The following NAA30 variants were observed in gnomAD, a reference collection of about 807,000 sequenced individuals.
The protein encoded by NAA30 is N-alpha-acetyltransferase 30, NatC catalytic subunit, also known as N-alpha-acetyltransferase 30.
NAA30 carries 5 observed loss-of-function variants against 31.4 expected under a neutral mutation model. The ratio of observed to expected loss-of-function variants is 0.16; its 90% CI spans 0.08 to 0.33. The LOEUF is 0.33. NAA30 is among the 10% of genes least tolerant of loss of function. The pLI is 1.00. For missense variants in NAA30, 428 were observed against 490.8 expected (o/e 0.87, Z 1.21); for synonymous variants, 222 against 207.1 (o/e 1.07, Z -0.62).
intron 4 of NAA30, among the ~76,000 whole-genome samples, chr14:57,405,884 A>G (rs2066496422): frequency 6.6e-6 from 1 of 152,282 alleles, no homozygotes; most frequent in South Asian, 2.1e-4. Context: ...TTATCCTGAT[A>G]ATGATCTGTT....
intron 4 of NAA30, among the ~76,000 whole-genome samples, chr14:57,403,074 G>A (rs778109911): frequency 5.9e-5 from 9 of 152,084 alleles, no homozygotes; most frequent in African/African-American, 1.2e-4. Context: ...CCAGCTACTC[G>A]GGAGGCTGAG....
chr14:57,406,743 A>G (rs2066499650), intron 4 of NAA30, among the ~76,000 whole-genome samples: 1 of 152,160 alleles, frequency 6.6e-6, no homozygotes, highest in South Asian at 2.1e-4. Context: ...TTTAGCTATA[A>G]TTAGGTGCTG....
Position 57,391,849 on chromosome 14 carries a change from G to T in NAA30, c.771+121G>T. 1 of 761,772 alleles carries T rather than the reference G, an allele frequency of 1.3e-6. No homozygotes were observed. Among genetic ancestry groups the T allele is most frequent in the Non-Finnish European group, 2.2e-6 (1 of 460,372 alleles). 47.2% of individuals were successfully genotyped at this position (761,772 alleles called of 1,614,324 possible). The stretch of plus-strand genomic sequence containing the variant: ...TGCTGCGTATCATAGTACGTTATAT[G>T]ATGTCAAGTGCTGTACACATTCCTA... On this transcript the variant is annotated intron_variant, in intron 2 of 4. Coordinates refer to ENST00000556492, the MANE Select transcript of NAA30 (RefSeq NM_001011713.3). The surrounding 1 kb of genome is among the most constrained non-coding windows in gnomAD (Gnocchi z 4.1).
At chr14:57,401,720 A>C (rs980646707) in intron 4 of NAA30, among the ~76,000 whole-genome samples, 1 of 152,166 alleles carries the variant, frequency 6.6e-6, no homozygotes, top group African/African-American at 2.4e-5. Context: ...TTGCTATCCT[A>C]AGTTACTACT....
chr14:57,391,245 G>T lies in NAA30; in HGVS notation c.288G>T (p.Arg96=). 1.2e-6 allele frequency: 2 copies of T among 1,612,174 alleles called. No homozygotes were observed. Among genetic ancestry groups the T allele is most frequent in the Non-Finnish European group, 1.7e-6 (2 of 1,179,780 alleles). ...GLISPELRHL[R]AAASLKSKVL... ...TTAGCCCCGAACTGCGGCACCTCCG[G>T]GCGGCCGCCTCCCTCAAGAGCAAGG... The change falls in exon 2 of 5, where the codon CGG becomes CGT. Residue 96 remains arginine (R), a synonymous_variant. Coordinates refer to ENST00000556492, the MANE Select transcript of NAA30 (RefSeq NM_001011713.3). This position sits in a 1 kb window ranked among gnomAD's most constrained non-coding sequence, Gnocchi z 4.1.
chr14:57,405,447 T>C (rs896878614), intron 4 of NAA30, among the ~76,000 whole-genome samples: 9 of 151,738 alleles, frequency 5.9e-5, no homozygotes, highest in East Asian at 3.9e-4. Context: ...AAAACATCTT[T>C]AGTTTCACTG....
intron 4 of NAA30, among the ~76,000 whole-genome samples, chr14:57,402,299 C>G (rs1424352234): frequency 6.6e-6 from 1 of 152,182 alleles, no homozygotes; most frequent in Admixed American, 6.5e-5. Context: ...GTAATTATTG[C>G]ACTTAATTTC....
chr14:57,394,896 G>T (rs1035821104), intron 2 of NAA30, among the ~76,000 whole-genome samples: 1 of 152,066 alleles, frequency 6.6e-6, no homozygotes, highest in East Asian at 1.9e-4. Context: ...CATTTCACCT[G>T]AGCCTGGCTT....
At chr14:57,393,560 G>A (rs910116790) in intron 2 of NAA30, among the ~76,000 whole-genome samples, 2 of 152,044 alleles carry the variant, frequency 1.3e-5, no homozygotes, top group Non-Finnish European at 2.9e-5. Context: ...ATACAGATGC[G>A]TAAATGTCTG....
intron 2 of NAA30, among the ~76,000 whole-genome samples, chr14:57,395,779 G>A (rs1348757406): frequency 6.6e-6 from 1 of 152,032 alleles, no homozygotes; most frequent in African/African-American, 2.4e-5. Context: ...CACACTATCA[G>A]GAGTATCCTA....
At position 57,413,207 on chromosome 14, in the gene NAA30, A is replaced by G. The variant is rs2066531398; in HGVS notation, c.*3691A>G. ...GCCCCTGTCTTGTGAGGAGCTTTAA[A>G]TAGCTGTGAATACTTCTGTATGTCA... On this transcript the variant is annotated 3_prime_UTR_variant, in exon 5 of 5. Transcript: ENST00000556492. 6.6e-6 allele frequency: 1 copy of G among 152,150 alleles called. No individual in the cohort carries two copies. The highest frequency in any genetic ancestry group is 6.5e-5 in the Admixed American group (1 of 15,270). The allele number at this position is 152,150 out of a possible 1,614,324, so 9.4% of individuals were successfully genotyped here.
At chr14:57,407,886 C>T (rs1375658226) in intron 4 of NAA30, among the ~76,000 whole-genome samples, 1 of 152,020 alleles carries the variant, frequency 6.6e-6, no homozygotes, top group Non-Finnish European at 1.5e-5. Context: ...AGAAGAGGAC[C>T]ACTTAGAGAT....
At chr14:57,408,039 G>A (rs1441176514) in intron 4 of NAA30, among the ~76,000 whole-genome samples, 1 of 152,200 alleles carries the variant, frequency 6.6e-6, no homozygotes, top group African/African-American at 2.4e-5. Context: ...ATATGGAATT[G>A]AGGAGGAAGA....
chr14:57,413,798 A>G lies in NAA30; in HGVS notation c.*4282A>G, dbSNP rs1472151567. ...CGTGAGCCACCACGCCCAGCCTATGATATTCTTTTTATAAGCAACTTTTAA... is the reference window on the plus strand; with the variant it reads ...CGTGAGCCACCACGCCCAGCCTATGGTATTCTTTTTATAAGCAACTTTTAA... On this transcript the variant is annotated 3_prime_UTR_variant, in exon 5 of 5. Transcript: ENST00000556492. 6.6e-6 allele frequency: 1 copy of G among 152,212 alleles called. No homozygotes were observed. Among genetic ancestry groups the G allele is most frequent in the African/African-American group, 2.4e-5 (1 of 41,448 alleles). 9.4% of individuals were successfully genotyped at this position (152,212 alleles called of 1,614,324 possible). A position where few individuals can be genotyped will look rare whatever the true frequency, so the allele number is the denominator to read the frequency against.
Position 57,391,477 on chromosome 14 carries a change from G to GAGC in NAA30, c.523_525dup (p.Gln175dup). 2 of 1,612,362 alleles carry GAGC rather than the reference G, an allele frequency of 1.2e-6. No homozygotes were observed. Among genetic ancestry groups the GAGC allele is most frequent in the South Asian group, 1.1e-5 (1 of 91,008 alleles). On this transcript the variant is annotated inframe_insertion, in exon 2 of 5. Transcript: ENST00000556492. This position sits in a 1 kb window ranked among gnomAD's most constrained non-coding sequence, Gnocchi z 4.1. ...CCGCAATGGACTGGCCGAGGGCACC[G>GAGC]AGCAGGAGGAGGAGGAGGAAGACGA...
chr14:57,396,980 T>A, intron 3 of NAA30, 105 bp downstream of exon 3: 1 of 1,101,092 alleles, frequency 9.1e-7, no homozygotes, highest in Non-Finnish European at 1.2e-6. Flanking sequence ...TGAAAGAAAC[T>A]AAGGGAAGAA....
intron 4 of NAA30, among the ~76,000 whole-genome samples, chr14:57,408,548 A>C (rs763097911): frequency 1.3e-5 from 2 of 152,184 alleles, no homozygotes; most frequent in Non-Finnish European, 2.9e-5. Flanking sequence ...ATCATCATCT[A>C]GCAATTTAAA....
At chr14:57,407,725 CAA>C (rs1380579232) in intron 4 of NAA30, among the ~76,000 whole-genome samples, 1 of 152,054 alleles carries the variant, frequency 6.6e-6, no homozygotes, top group Non-Finnish European at 1.5e-5. Flanking sequence ...CTCTTGAGGA[CAA>C]GAGGGAATCA....
chr14:57,414,855 A>G lies in NAA30; in HGVS notation c.*5339A>G, dbSNP rs540815886. ...GCTCAAAACATGCATTACTTTGGGGATTAAGTCAGTGTTTAATCTCAATAT... is the reference window on the plus strand; with the variant it reads ...GCTCAAAACATGCATTACTTTGGGGGTTAAGTCAGTGTTTAATCTCAATAT... On this transcript the variant is annotated 3_prime_UTR_variant, in exon 5 of 5. Coordinates refer to ENST00000556492, the MANE Select transcript of NAA30 (RefSeq NM_001011713.3). 6.6e-6 allele frequency: 1 copy of G among 152,342 alleles called. No individual in the cohort carries two copies. Among genetic ancestry groups the G allele is most frequent in the South Asian group, 2.1e-4 (1 of 4,826 alleles). 9.4% of individuals were successfully genotyped at this position (152,342 alleles called of 1,614,324 possible).
Sources: allele counts gnomAD v4.1 joint callset (sites outside exome capture counted in the v4.1 genomes callset), GRCh38; gene constraint gnomAD v4.1.1; non-coding constraint Gnocchi (gnomAD v3.1); transcripts MANE v1.5; gene names NCBI Gene and HGNC (gene_info 2026-07-23, HGNC 2026-07-21).